The following PFKFB3 variants were observed in gnomAD, a reference collection of about 807,000 sequenced individuals.
PFKFB3 encodes the protein 6-phosphofructo-2-kinase/fructose-2,6-bisphosphatase 3.
PFKFB3 carries 33 observed loss-of-function variants against 68.0 expected under a neutral mutation model. The observed-to-expected ratio is 0.49, with a 90% confidence interval of 0.37 to 0.65. PFKFB3 has a LOEUF of 0.65. Ranked by LOEUF, PFKFB3 falls within the 30% of genes least tolerant of loss-of-function variation. The pLI is 0.00. For missense variants in PFKFB3, 586 were observed against 712.2 expected, an observed-to-expected ratio of 0.82 and a Z score of 2.02; for synonymous variants, 315 against 288.2, an observed-to-expected ratio of 1.09 and a Z score of -0.94.
rs148201686 is a variant in PFKFB3 at position 6,147,732 on chromosome 10, G to A, written c.16+2719G>A. Reference sequence around the variant, plus strand: ...CACTCCTTCCTCCCTCTGATCTCATGGCTTTGGCAGCCAGAGGGCCGGGGA... The same window carrying A: ...CACTCCTTCCTCCCTCTGATCTCATAGCTTTGGCAGCCAGAGGGCCGGGGA... On this transcript the variant is annotated intron_variant, in intron 1 of 14. Coordinates refer to the PFKFB3 transcript ENST00000379789. Among the ~76,000 whole-genome samples the A allele has an allele frequency of 1.0e-3, 152 of 151,002 alleles. 2 individuals carry two copies. Among genetic ancestry groups the A allele is most frequent in the African/African-American group, 3.2e-3 (129 of 40,302 alleles).
chr10:6,312,219 T>C, the PFKFB3 span, among the ~76,000 whole-genome samples: 1 of 152,176 alleles, frequency 6.6e-6, no homozygotes, highest in Non-Finnish European at 1.5e-5. Context: ...GCTGGAAAGC[T>C]TGGCTGAACT....
chr10:6,322,946 AC>A, the PFKFB3 span, among the ~76,000 whole-genome samples: 3 of 152,148 alleles, frequency 2.0e-5, no homozygotes, highest in East Asian at 5.8e-4. Flanking sequence ...ATGGGGACAG[AC>A]CCTGGTGAGT....
intron 1 of PFKFB3, among the ~76,000 whole-genome samples, chr10:6,161,637 TAGAG>T (rs71390193): frequency 0.61 from 91,710 of 149,494 alleles, 30,463 homozygotes; most frequent in Non-Finnish European, 0.77. Flanking sequence ...TATATATATA[TAGAG>T]AGAGAGAGAG....
chr10:6,193,921 A>AT (rs1401529452), intron 1 of PFKFB3, among the ~76,000 whole-genome samples: 1 of 152,102 alleles, frequency 6.6e-6, no homozygotes, highest in Admixed American at 6.6e-5. Context: ...AGTTAAGTCG[A>AT]TTTTCACTTC....
In PFKFB3 at chr10:6,229,045, C is replaced by A. The variant is rs916358383; in HGVS notation, c.1515+2680C>A. The A allele has an allele frequency of 4.1e-6, 2 of 491,390 alleles. No homozygotes were observed. The highest frequency in any genetic ancestry group is 3.2e-4 in the Middle Eastern group (1 of 3,088). The allele number at this position is 491,390 out of a possible 1,614,324, so 30.4% of individuals were successfully genotyped here. On this transcript the variant is annotated intron_variant, in intron 14 of 14. Transcript: ENST00000379775. This position sits in a 1 kb window ranked among gnomAD's most constrained non-coding sequence, Gnocchi z 4.3. ...ATGAAGTGTCATCCCCTTGCCCCCC[C>A]AAAAACACACCCGCCCCTTTATTTC...
At chr10:6,244,257 G>T (rs1846205905) in intron 14 of PFKFB3, among the ~76,000 whole-genome samples, 1 of 152,186 alleles carries the variant, frequency 6.6e-6, no homozygotes, top group Non-Finnish European at 1.5e-5. Context: ...TCGCTTGTTA[G>T]GGCTGAGAAT....
intron 14 of PFKFB3, among the ~76,000 whole-genome samples, chr10:6,253,413 CA>C (rs1157979523): frequency 9.2e-5 from 14 of 152,218 alleles, no homozygotes; most frequent in South Asian, 8.3e-4. Context: ...GAAAATTTAA[CA>C]AATTGGGCAA....
the PFKFB3 span, chr10:6,293,123 A>G: frequency 4.4e-6 from 2 of 450,242 alleles, no homozygotes; most frequent in South Asian, 3.5e-5. Flanking sequence ...GGTGTGGTCT[A>G]TTAGGCTTTT....
At chr10:6,163,748 G>A (rs1051535040) in intron 1 of PFKFB3, 11 of 151,810 alleles carry the variant, frequency 7.2e-5, no homozygotes, top group Admixed American at 7.2e-4. Context: ...TGCTGCCTGC[G>A]GCGCACGAGC....
the PFKFB3 span, among the ~76,000 whole-genome samples, chr10:6,288,056 T>C: frequency 6.6e-6 from 1 of 152,172 alleles, no homozygotes; most frequent in African/African-American, 2.4e-5. Flanking sequence ...TCTAGATTGA[T>C]TATTTTTCTT....
In PFKFB3 at chr10:6,234,078, CTT is replaced by C. The variant is rs895100162; in HGVS notation, c.*1139_*1140del. The stretch of plus-strand genomic sequence containing the variant: ...CCTTCCCTTCATGGCGTCTATGACA[CTT>C]TTGTGGTGATGGAAAGCATGGGACC... On this transcript the variant is annotated 3_prime_UTR_variant, in exon 15 of 15. Coordinates refer to ENST00000379775, the MANE Select transcript of PFKFB3 (RefSeq NM_004566.4). 6.6e-6 allele frequency: 1 copy of C among 152,394 alleles called. No homozygotes were observed. The highest frequency in any genetic ancestry group is 1.5e-5 in the Non-Finnish European group (1 of 68,070). The allele number at this position is 152,394 out of a possible 1,614,324, so 9.4% of individuals were successfully genotyped here. A position where few individuals can be genotyped will look rare whatever the true frequency, so the allele number is the denominator to read the frequency against.
At chr10:6,178,553 A>C (rs551102895) in intron 1 of PFKFB3, among the ~76,000 whole-genome samples, 1,076 of 95,024 alleles carry the variant, frequency 0.011, 8 homozygotes, top group African/African-American at 0.037. Flanking sequence ...ACTGACCCGG[A>C]GCTGCTGGAG....
rs556432354 is a variant in PFKFB3 at position 6,151,174 on chromosome 10, A to G, written c.16+6161A>G. Among the ~76,000 whole-genome samples the G allele has an allele frequency of 2.0e-5, 3 of 152,010 alleles. No individual in the cohort carries two copies. In the East Asian group the frequency reaches 5.8e-4, roughly 29 times the overall value. ...CCACTTACCGTAGCTCCCCACTGGC[A>G]GTGTGTATGAGTCTTGGTGGTATCT... On this transcript the variant is annotated intron_variant, in intron 1 of 14. Transcript: ENST00000379789.
At chr10:6,202,843 A>T (rs912718960), upstream of PFKFB3, 2 of 1,006,334 alleles carry the variant, frequency 2.0e-6, no homozygotes, top group African/African-American at 3.5e-5. Flanking sequence ...GGGGGCTGGG[A>T]CCCAAGGAAT....
At chr10:6,171,109 G>T (rs35304127) in intron 1 of PFKFB3, among the ~76,000 whole-genome samples, 6 of 152,014 alleles carry the variant, frequency 3.9e-5, no homozygotes, top group Non-Finnish European at 5.9e-5. Context: ...GTGCAATGGC[G>T]TGTTCTTGGC....
At chr10:6,281,347 C>T in the PFKFB3 span, among the ~76,000 whole-genome samples, 1 of 151,712 alleles carries the variant, frequency 6.6e-6, no homozygotes, top group Admixed American at 6.6e-5. Flanking sequence ...ACTTTACTTA[C>T]TAACACAGAG....
At chr10:6,283,191 C>T in the PFKFB3 span, among the ~76,000 whole-genome samples, 1 of 152,310 alleles carries the variant, frequency 6.6e-6, no homozygotes. Context: ...TGGTGTCAAA[C>T]TCCTGACATC....
intron 13 of PFKFB3, among the ~76,000 whole-genome samples, chr10:6,225,812 G>C (rs1252799189): frequency 6.6e-6 from 1 of 152,160 alleles, no homozygotes; most frequent in African/African-American, 2.4e-5. Context: ...GTGAGCCTCA[G>C]GCCCAGCCTC....
At chr10:6,304,134 T>C in the PFKFB3 span, among the ~76,000 whole-genome samples, 1 of 152,212 alleles carries the variant, frequency 6.6e-6, no homozygotes, top group Non-Finnish European at 1.5e-5. Flanking sequence ...GAAGAATCCT[T>C]GTTAAAGACC....
Sources: gnomAD v4.1 joint callset for allele counts (sites outside exome capture counted in the v4.1 genomes callset) on GRCh38, gnomAD v4.1.1 for gene constraint, Gnocchi (gnomAD v3.1) non-coding constraint, MANE v1.5 for transcripts, NCBI Gene and HGNC (gene_info 2026-07-23, HGNC 2026-07-21) for gene names.